The following DLC1 variants were observed in gnomAD, a reference collection of about 807,000 sequenced individuals.
DLC1 encodes DLC1 Rho GTPase activating protein, also known as rho GTPase-activating protein 7.
Under a neutral mutation model 140.3 loss-of-function variants are expected in DLC1, and 54 were observed. That is an observed-to-expected ratio of 0.38 (90% CI 0.31 to 0.48). The LOEUF is 0.48. DLC1 is among the 20% of genes least tolerant of loss of function. DLC1 has a pLI of 0.96. For synonymous variants in DLC1, 986 were observed against 728.1 expected (o/e 1.35, Z -5.70); for missense variants, 2,536 against 1,907.0 (o/e 1.33, Z -6.14).
intron 2 of DLC1, among the ~76,000 whole-genome samples, chr8:13,450,554 A>G (rs1798993085): frequency 6.6e-6 from 1 of 151,868 alleles, no homozygotes; most frequent in Non-Finnish European, 1.5e-5. Flanking sequence ...TGAAAACAAT[A>G]TTTGAATTTG....
chr8:13,171,074 A>G, intron 5 of DLC1, among the ~76,000 whole-genome samples: 1 of 152,300 alleles, frequency 6.6e-6, no homozygotes, highest in Non-Finnish European at 1.5e-5. Context: ...CAGGGAGAGA[A>G]ACTAAATTGC....
intron 4 of DLC1, among the ~76,000 whole-genome samples, chr8:13,352,445 G>A (rs1834720488): frequency 6.6e-6 from 1 of 152,106 alleles, no homozygotes; most frequent in African/African-American, 2.4e-5. Context: ...GCAGTGGGGT[G>A]ATCACAGCTT....
At chr8:13,254,802 A>G (rs1830150206) in intron 5 of DLC1, among the ~76,000 whole-genome samples, 1 of 152,186 alleles carries the variant, frequency 6.6e-6, no homozygotes, top group East Asian at 1.9e-4. Context: ...GGTGTGTGAT[A>G]TGATTAAAAA....
intron 4 of DLC1, among the ~76,000 whole-genome samples, chr8:13,318,999 A>T (rs947856689): frequency 9.2e-5 from 14 of 152,172 alleles, no homozygotes; most frequent in African/African-American, 3.4e-4. Flanking sequence ...GTTAACTCCA[A>T]AGCTGGGTGC....
intron 2 of DLC1, among the ~76,000 whole-genome samples, chr8:13,450,474 AAG>A (rs1491182186): frequency 6.6e-6 from 1 of 150,988 alleles, no homozygotes; most frequent in African/African-American, 2.4e-5. Flanking sequence ...AAAAAAAAAA[AAG>A]GCCGAAGAGA....
chr8:13,384,109 C>G (rs1836400130), intron 4 of DLC1, among the ~76,000 whole-genome samples: 1 of 152,180 alleles, frequency 6.6e-6, no homozygotes. Context: ...CTTTAAGCCA[C>G]TAAGTTTATA....
intron 1 of DLC1, among the ~76,000 whole-genome samples, chr8:13,573,025 T>C (rs918494592): frequency 6.6e-5 from 10 of 152,204 alleles, no homozygotes; most frequent in Admixed American, 4.6e-4. Flanking sequence ...ATTGGACTTT[T>C]GATAGGGATT....
At position 13,085,889 on chromosome 8, in the gene DLC1, C is replaced by A. The variant is rs772128555; in HGVS notation, c.4509G>T (p.Leu1503Phe). ...PEWYTKSFGH[L>F]CAAEVVKIRD... Reference sequence around the variant, plus strand: ...GGATCTTTACAACTTCAGCTGCACACAAATGTCCAAAAGATTTTGTGTACC... The same window carrying A: ...GGATCTTTACAACTTCAGCTGCACAAAAATGTCCAAAAGATTTTGTGTACC... Residue 1503 changes from leucine (L) to phenylalanine (F), a missense_variant, in exon 18 of 18, where the codon TTG becomes TTT. Physicochemically the swap from Leu to Phe is conservative, Grantham distance 22. Transcript: ENST00000276297. 1 of 1,614,152 alleles carries A rather than the reference C, an allele frequency of 6.2e-7. No individual in the cohort carries two copies. The highest frequency in any genetic ancestry group is 2.2e-5 in the East Asian group (1 of 44,878).
intron 5 of DLC1, among the ~76,000 whole-genome samples, chr8:13,202,555 G>C (rs758263206): frequency 6.6e-6 from 1 of 152,080 alleles, no homozygotes; most frequent in African/African-American, 2.4e-5. Context: ...TCTTGGCTTC[G>C]CTGTGGGCTT....
chr8:13,115,794 C>A, intron 5 of DLC1, 137 bp from the exon 6 acceptor site: 1 of 746,186 alleles, frequency 1.3e-6, no homozygotes, highest in Non-Finnish European at 2.2e-6. Flanking sequence ...CAGACATACA[C>A]GCTTAATTCG....
intron 4 of DLC1, among the ~76,000 whole-genome samples, chr8:13,318,458 C>G (rs978698732): frequency 6.6e-6 from 1 of 152,114 alleles, no homozygotes; most frequent in Non-Finnish European, 1.5e-5. Flanking sequence ...AGTAAGTGTC[C>G]ATGTCAAGTT....
intron 1 of DLC1, among the ~76,000 whole-genome samples, chr8:13,591,000 C>G (rs965789159): frequency 1.3e-5 from 2 of 151,916 alleles, no homozygotes; most frequent in Admixed American, 1.3e-4. Flanking sequence ...GCAGCAATAA[C>G]ATGGAGGTAC....
chr8:13,407,947 C>T (rs1051193146), intron 2 of DLC1, among the ~76,000 whole-genome samples: 3 of 152,122 alleles, frequency 2.0e-5, no homozygotes, highest in African/African-American at 7.2e-5. Context: ...ACTTTCCTTT[C>T]TTAAAATAAT....
At chr8:13,551,539 T>A (rs1387473875) in intron 1 of DLC1, among the ~76,000 whole-genome samples, 1 of 152,040 alleles carries the variant, frequency 6.6e-6, no homozygotes, top group African/African-American at 2.4e-5. Context: ...CTCTCATTCA[T>A]CTGCAGTGTT....
chr8:13,436,334 C>T (rs74530667), intron 2 of DLC1, among the ~76,000 whole-genome samples: 3,975 of 152,186 alleles, frequency 0.026, 168 homozygotes, highest in African/African-American at 0.091. Context: ...ATTATTAGTC[C>T]AGCAGGTTTT....
chr8:13,112,247 C>A (rs892821030), intron 6 of DLC1, among the ~76,000 whole-genome samples: 1 of 152,212 alleles, frequency 6.6e-6, no homozygotes, highest in Admixed American at 6.5e-5. Flanking sequence ...TTTGGAGACG[C>A]AGGTAATTAG....
At chr8:13,373,904 A>G (rs1288208250) in intron 4 of DLC1, among the ~76,000 whole-genome samples, 2 of 152,240 alleles carry the variant, frequency 1.3e-5, no homozygotes, top group Admixed American at 6.5e-5. Context: ...TTTATAAAAT[A>G]TTCATAATGT....
At chr8:13,211,975 C>T (rs919277826) in intron 5 of DLC1, among the ~76,000 whole-genome samples, 6 of 151,980 alleles carry the variant, frequency 3.9e-5, no homozygotes, top group Non-Finnish European at 7.4e-5. Context: ...TGGTCAACAA[C>T]GAGGTTAAAT....
intron 5 of DLC1, among the ~76,000 whole-genome samples, chr8:13,126,478 C>T (rs975799583): frequency 6.6e-6 from 1 of 152,028 alleles, no homozygotes; most frequent in South Asian, 2.1e-4. Flanking sequence ...TTTGGAATAG[C>T]TCATAAAGTA....
Sources: gnomAD v4.1 joint callset for allele counts (sites outside exome capture counted in the v4.1 genomes callset) on GRCh38, gnomAD v4.1.1 for gene constraint, MANE v1.5 for transcripts, NCBI Gene and HGNC (gene_info 2026-07-23, HGNC 2026-07-21) for gene names.